OSBP: variants seen among roughly 807,000 people sequenced by gnomAD.
The protein encoded by OSBP is oxysterol-binding protein 1.
In OSBP, 32 loss-of-function variants were observed where a neutral mutation model predicts 96.6. The ratio of observed to expected loss-of-function variants is 0.33; its 90% confidence interval spans 0.25 to 0.45. The LOEUF (loss-of-function observed/expected upper bound fraction) is 0.45, where lower values mean the gene tolerates loss of function less well. OSBP is among the 20% of genes least tolerant of loss of function. The pLI, the probability that OSBP is intolerant of heterozygous loss-of-function variation, is 1.00. For missense variants in OSBP, 653 were observed against 1,029.7 expected (o/e 0.63, Z 5.01); for synonymous variants, 369 against 389.6 (o/e 0.95, Z 0.62).
chr11:59,597,837 C>G (rs534372143), intron 7 of OSBP, among the ~76,000 whole-genome samples: 19 of 152,326 alleles, frequency 1.2e-4, no homozygotes, highest in Non-Finnish European at 2.4e-4. Context: ...TCCTGAGTAG[C>G]TGGGGCTACA....
intron 3 of OSBP, among the ~76,000 whole-genome samples, chr11:59,606,481 T>C (rs1165746668): frequency 1.3e-5 from 2 of 149,216 alleles, no homozygotes; most frequent in African/African-American, 2.5e-5. Flanking sequence ...GAGCTAAACA[T>C]TGGGTACACA....
chr11:59,584,532 G>C (rs965781735), intron 9 of OSBP, among the ~76,000 whole-genome samples: 1 of 152,026 alleles, frequency 6.6e-6, no homozygotes. Flanking sequence ...AGAATGAAGG[G>C]CGAAAAAACA....
chr11:59,611,294 G>A (rs576614058), intron 1 of OSBP, among the ~76,000 whole-genome samples: 1 of 152,286 alleles, frequency 6.6e-6, no homozygotes, highest in Non-Finnish European at 1.5e-5. Flanking sequence ...TCAAGATGTA[G>A]AACATTTCTA....
intron 1 of OSBP, among the ~76,000 whole-genome samples, chr11:59,613,898 A>G (rs1467426740): frequency 6.6e-6 from 1 of 152,222 alleles, no homozygotes; most frequent in East Asian, 1.9e-4. Context: ...CTAAGAGCCA[A>G]TACAGTGGAG....
At chr11:59,592,710 CAT>C (rs1381124872) in intron 9 of OSBP, among the ~76,000 whole-genome samples, 3 of 152,084 alleles carry the variant, frequency 2.0e-5, no homozygotes, top group African/African-American at 7.2e-5. Context: ...GGATCTCTAA[CAT>C]TGTATACTAG....
chr11:59,605,867 G>A (rs565371973), intron 3 of OSBP, among the ~76,000 whole-genome samples: 2 of 152,292 alleles, frequency 1.3e-5, no homozygotes, highest in South Asian at 2.1e-4. Context: ...GATGCAGGTT[G>A]CCCCAAGTTA....
At chr11:59,601,564 T>A in intron 4 of OSBP, 76 bp downstream of exon 4, 1 of 1,363,546 alleles carries the variant, frequency 7.3e-7, no homozygotes, top group African/African-American at 1.4e-5. Context: ...TGTGAAGAGT[T>A]TGGAGTTCTC....
At chr11:59,607,055 A>C (rs1860788312) in intron 3 of OSBP, among the ~76,000 whole-genome samples, 3 of 152,220 alleles carry the variant, frequency 2.0e-5, no homozygotes, top group African/African-American at 7.2e-5. Flanking sequence ...CTAAAGGTTT[A>C]GGTTTATAAA....
At chr11:59,594,298 T>C (rs1565117454) in intron 7 of OSBP, 43 bp from the exon 8 acceptor site, 1 of 1,585,272 alleles carries the variant, frequency 6.3e-7, no homozygotes, top group Non-Finnish European at 8.6e-7. Context: ...CTCACTCATC[T>C]ATAAGAGACA....
intron 9 of OSBP, among the ~76,000 whole-genome samples, chr11:59,583,713 G>A (rs746871522): frequency 3.7e-5 from 5 of 134,846 alleles, no homozygotes; most frequent in African/African-American, 1.4e-4. Context: ...GCACGGTCTC[G>A]GCTCACTGCA....
In OSBP at chr11:59,576,117, T is replaced by C. The variant is rs776034630; in HGVS notation, c.*460A>G. 2.5e-4 allele frequency: 40 copies of C among 159,902 alleles called. No homozygotes were observed. The highest frequency in any genetic ancestry group is 4.3e-4 in the African/African-American group (18 of 41,520). The allele number at this position is 159,902 out of a possible 1,614,324, so 9.9% of individuals were successfully genotyped here. A position where few individuals can be genotyped will look rare whatever the true frequency, so the allele number is the denominator to read the frequency against. ...ACTGCAACCATTCACAATGCCTCCA[T>C]TGGTAAGTCTTATGTGTTTCTTTTT... is the stretch of plus-strand genomic sequence containing the variant. On this transcript the variant is annotated 3_prime_UTR_variant, in exon 14 of 14. Transcript: ENST00000263847.
At position 59,601,699 on chromosome 11, in the gene OSBP, G is replaced by A; in HGVS notation, c.962C>T (p.Ala321Val). Residue 321 changes from alanine (A) to valine (V), a missense_variant, in exon 4 of 14, where the codon GCC (alanine) becomes GTC (valine). This residue lies in a region of OSBP where 308 missense variants were observed against 573.1 expected (regional missense o/e 0.54). Transcript: ENST00000263847. Reference protein sequence around the residue: ...LAKQHNHLERAFRGATVLPAN... With the variant: ...LAKQHNHLERVFRGATVLPAN... ...CGGCAGCACCGTGGCTCCTCGGAAG[G>A]CCCTCTCCAGGTGATTATGCTGCTT... The A allele has an allele frequency of 1.2e-6, 2 of 1,613,786 alleles. No homozygotes were observed. Among genetic ancestry groups the A allele is most frequent in the Non-Finnish European group, 1.7e-6 (2 of 1,180,030 alleles).
chr11:59,598,012 T>C (rs537859737), intron 7 of OSBP, among the ~76,000 whole-genome samples: 3 of 152,086 alleles, frequency 2.0e-5, no homozygotes, highest in Non-Finnish European at 4.4e-5. Flanking sequence ...AGCCGAATTT[T>C]TTATTATTTT....
chr11:59,588,022 A>G (rs776992177), intron 9 of OSBP, among the ~76,000 whole-genome samples: 33 of 152,262 alleles, frequency 2.2e-4, no homozygotes, highest in Non-Finnish European at 4.4e-4. Flanking sequence ...ATGTGTACAT[A>G]CACACAATAG....
intron 3 of OSBP, among the ~76,000 whole-genome samples, chr11:59,602,098 C>T (rs946103490): frequency 6.6e-6 from 1 of 152,100 alleles, no homozygotes; most frequent in African/African-American, 2.4e-5. Flanking sequence ...GCCAAGTGAG[C>T]AGTAAACCCA....
chr11:59,589,326 G>A (rs1860546774), intron 9 of OSBP, among the ~76,000 whole-genome samples: 2 of 151,562 alleles, frequency 1.3e-5, no homozygotes, highest in African/African-American at 4.8e-5. Flanking sequence ...GGCCAGGCGT[G>A]GTGGTGCCTC....
intron 9 of OSBP, among the ~76,000 whole-genome samples, chr11:59,589,968 G>C (rs1860557305): frequency 6.6e-6 from 1 of 151,570 alleles, no homozygotes; most frequent in Non-Finnish European, 1.5e-5. Context: ...GGGTGACAGA[G>C]CAAGACTCAG....
rs1327665402 is a variant in OSBP at position 59,575,435 on chromosome 11, CAAGA to C, written c.*1138_*1141del. 5 of 152,312 alleles carry C rather than the reference CAAGA, an allele frequency of 3.3e-5. No homozygotes were observed. Among genetic ancestry groups the C allele is most frequent in the African/African-American group, 1.2e-4 (5 of 41,358 alleles). 9.4% of individuals were successfully genotyped at this position (152,312 alleles called of 1,614,324 possible). On this transcript the variant is annotated 3_prime_UTR_variant, in exon 14 of 14. Coordinates refer to ENST00000263847, the MANE Select transcript of OSBP (RefSeq NM_002556.3). Reference sequence around the variant, plus strand: ...AGTGCCATCCACATCAACACGTGTCCAAGAAAGAGTCTCAGGGAGACAAGGGTAT... The same window carrying C: ...AGTGCCATCCACATCAACACGTGTCCAAGAGTCTCAGGGAGACAAGGGTAT...
Position 59,615,668 on chromosome 11 carries a change from C to A in OSBP, c.-4G>T. 2 of 1,322,254 alleles carry A rather than the reference C, an allele frequency of 1.5e-6. No individual in the cohort carries two copies. Among genetic ancestry groups the A allele is most frequent in the South Asian group, 1.9e-5 (1 of 51,444 alleles). 81.9% of individuals were successfully genotyped at this position (1,322,254 alleles called of 1,614,324 possible). A position where few individuals can be genotyped will look rare whatever the true frequency, so the allele number is the denominator to read the frequency against. On this transcript the variant is annotated 5_prime_UTR_variant, in exon 1 of 14. Transcript: ENST00000263847. ...CTCTCAGCTCCGTCGCCGCCATGAG[C>A]CGCCGCCGCCTGGAGATACAAGACC...
Sources: allele counts gnomAD v4.1 joint callset (sites outside exome capture counted in the v4.1 genomes callset), GRCh38; gene constraint gnomAD v4.1.1; regional missense constraint gnomAD v4.1.1; transcripts MANE v1.5; gene names NCBI Gene and HGNC (gene_info 2026-07-23, HGNC 2026-07-21).